The following USH2A variants were observed in gnomAD, a reference collection of about 807,000 sequenced individuals.
The protein encoded by USH2A is usherin.
Under a neutral mutation model 538.9 loss-of-function variants are expected in USH2A, and 443 were observed. The observed-to-expected ratio is 0.82, with a 90% confidence interval of 0.76 to 0.89. USH2A has a LOEUF of 0.89. USH2A is among the 40% of genes least tolerant of loss of function. The pLI is 0.00. For synonymous variants in USH2A, 2,413 were observed against 2,273.5 expected, an observed-to-expected ratio of 1.06 and a Z score of -1.75; for missense variants, 6,633 against 6,324.8, an observed-to-expected ratio of 1.05 and a Z score of -1.65.
intron 4 of USH2A, among the ~76,000 whole-genome samples, chr1:216,363,386 G>A (rs2038533704): frequency 6.6e-6 from 1 of 152,000 alleles, no homozygotes; most frequent in African/African-American, 2.4e-5. Context: ...AAGTTGGGGT[G>A]ACTACACTTT....
intron 49 of USH2A, 31 bp from the exon 50 acceptor site, chr1:215,799,156 A>T: frequency 1.3e-6 from 2 of 1,590,714 alleles, no homozygotes; most frequent in Non-Finnish European, 1.7e-6. Flanking sequence ...TAATCATTAC[A>T]TCAGTTAAAA....
At chr1:216,327,277 A>G (rs2037752530) in intron 5 of USH2A, among the ~76,000 whole-genome samples, 1 of 152,190 alleles carries the variant, frequency 6.6e-6, no homozygotes, top group Non-Finnish European at 1.5e-5. Context: ...AGTATTGTTA[A>G]TAGAAACTAC....
At chr1:216,396,541 C>A (rs1215475283) in intron 3 of USH2A, among the ~76,000 whole-genome samples, 1 of 152,042 alleles carries the variant, frequency 6.6e-6, no homozygotes, top group African/African-American at 2.4e-5. Context: ...AAGAATTTAT[C>A]CTTGGTATTT....
chr1:215,861,895 A>G (rs1664326463), intron 44 of USH2A, among the ~76,000 whole-genome samples: 1 of 136,464 alleles, frequency 7.3e-6, no homozygotes, highest in African/African-American at 2.8e-5. Flanking sequence ...GCTGGAGTGC[A>G]GTGGCACGAT....
At chr1:216,181,778 A>T (rs1289166177) in intron 20 of USH2A, among the ~76,000 whole-genome samples, 1 of 152,144 alleles carries the variant, frequency 6.6e-6, no homozygotes, top group Non-Finnish European at 1.5e-5. Flanking sequence ...ACTTAAATGC[A>T]TCGTAACACT....
chr1:215,931,338 G>A (rs978002949), intron 38 of USH2A, among the ~76,000 whole-genome samples: 1 of 151,894 alleles, frequency 6.6e-6, no homozygotes, highest in African/African-American at 2.4e-5. Context: ...ATGTATCCTG[G>A]TAAAATTCTT....
At chr1:216,264,996 A>G (rs2036444627) in intron 11 of USH2A, among the ~76,000 whole-genome samples, 1 of 152,148 alleles carries the variant, frequency 6.6e-6, no homozygotes, top group Admixed American at 6.6e-5. Context: ...GCTTCAGGAC[A>G]TTGGTCTGGG....
intron 21 of USH2A, among the ~76,000 whole-genome samples, chr1:216,156,698 T>C (rs301753): frequency 0.9 from 136,646 of 152,174 alleles, 61,608 homozygotes; most frequent in East Asian, 0.98. Context: ...AACTAAAGTG[T>C]CTCTGCACAC....
rs1558251775 is a variant in USH2A at position 216,086,828 on chromosome 1, A to G, written c.4886-8T>C. The G allele has an allele frequency of 6.2e-7, 1 of 1,601,028 alleles. No homozygotes were observed. Among genetic ancestry groups the G allele is most frequent in the Non-Finnish European group, 8.6e-7 (1 of 1,168,712 alleles). ...TCAGGATGGCAGAGGAACCTAGAGA[A>G]GAGGAGATGAGAAATACACCTTCAC... On this transcript the variant is annotated splice_region_variant and splice_polypyrimidine_tract_variant and intron_variant, in intron 23 of 71. Coordinates refer to ENST00000307340, the MANE Select transcript of USH2A (RefSeq NM_206933.4).
intron 22 of USH2A, among the ~76,000 whole-genome samples, chr1:216,093,522 C>A (rs1023828949): frequency 6.6e-6 from 1 of 152,162 alleles, no homozygotes; most frequent in Middle Eastern, 3.2e-3. Context: ...ACAACTAGAC[C>A]TGCCAGATGA....
At chr1:216,052,705 T>C (rs12064580) in intron 30 of USH2A, among the ~76,000 whole-genome samples, 32,612 of 152,146 alleles carry the variant, frequency 0.21, 6,677 homozygotes, top group African/African-American at 0.54. Flanking sequence ...GCTGGTCAAA[T>C]ATGTGGTCTT....
rs576361176 is a variant in USH2A, at chr1:215,967,916, C to A, written c.6958-2437G>T. Among the ~76,000 whole-genome samples, 9 of 152,184 alleles carry A rather than the reference C, an allele frequency of 5.9e-5. No homozygotes were observed. The South Asian group carries it at 1.7e-3, about 28-fold the overall frequency. On this transcript the variant is annotated intron_variant, in intron 36 of 71. Coordinates refer to ENST00000307340, the MANE Select transcript of USH2A (RefSeq NM_206933.4). ...TCATCCTTAAGAGTCCCTGGAGAATCGATCCAATGAATGTTACAATACAAG... is the reference window on the plus strand; with the variant it reads ...TCATCCTTAAGAGTCCCTGGAGAATAGATCCAATGAATGTTACAATACAAG...
intron 38 of USH2A, among the ~76,000 whole-genome samples, chr1:215,928,351 T>A (rs1666288373): frequency 2.6e-5 from 4 of 152,160 alleles, no homozygotes. Context: ...TTTTTTTATA[T>A]CTTCTTCAAG....
At chr1:216,014,938 T>C (rs1296442241) in intron 32 of USH2A, among the ~76,000 whole-genome samples, 2 of 152,238 alleles carry the variant, frequency 1.3e-5, no homozygotes, top group African/African-American at 4.8e-5. Context: ...TGGTGTAAAC[T>C]GAGGAATTTA....
intron 15 of USH2A, among the ~76,000 whole-genome samples, chr1:216,211,292 C>T (rs2035235675): frequency 6.6e-6 from 1 of 152,132 alleles, no homozygotes; most frequent in Non-Finnish European, 1.5e-5. Flanking sequence ...GCAAAATAAC[C>T]TGGAGCTTGT....
rs546957329 is a variant in USH2A, at chr1:216,325,621, C to A, written c.849-22G>T. 8.1e-6 allele frequency: 13 copies of A among 1,609,774 alleles called. No individual in the cohort carries two copies. The South Asian group carries it at 1.2e-4, about 15-fold the overall frequency. On this transcript the variant is annotated intron_variant, in intron 5 of 71. Transcript: ENST00000307340. ...CTCTCTGTGGGAGTCAAGAGGGAGA[C>A]TGTAAGGACAAAGAGCTTAACAGTA...
chr1:215,837,621 G>A (rs1663568576), intron 47 of USH2A, among the ~76,000 whole-genome samples: 1 of 152,046 alleles, frequency 6.6e-6, no homozygotes, highest in Non-Finnish European at 1.5e-5. Context: ...GCACTCTGAT[G>A]TATATAAATC....
intron 47 of USH2A, 117 bp from the exon 48 acceptor site, chr1:215,817,312 T>A: frequency 2.1e-6 from 1 of 486,876 alleles, no homozygotes; most frequent in Non-Finnish European, 3.1e-6. Flanking sequence ...ATTATATATG[T>A]TTATATATGA....
At chr1:215,883,015 A>C (rs1646241881) in intron 41 of USH2A, among the ~76,000 whole-genome samples, 1 of 152,210 alleles carries the variant, frequency 6.6e-6, no homozygotes, top group Admixed American at 6.5e-5. Flanking sequence ...AATTCACTTT[A>C]TCATAAACAA....
Sources: allele counts gnomAD v4.1 joint callset (sites outside exome capture counted in the v4.1 genomes callset), GRCh38; gene constraint gnomAD v4.1.1; transcripts MANE v1.5; gene names NCBI Gene and HGNC (gene_info 2026-07-23, HGNC 2026-07-21).